The following UBE2QL1 variants were observed in gnomAD, a reference collection of about 807,000 sequenced individuals.
UBE2QL1 encodes the protein ubiquitin conjugating enzyme E2 QL1.
A neutral mutation model predicts 12.6 loss-of-function variants in UBE2QL1; 5 were observed. The observed-to-expected ratio is 0.40, with a 90% CI of 0.21 to 0.83. The LOEUF is 0.83. UBE2QL1 is among the 40% of genes least tolerant of loss of function. The probability of loss-of-function intolerance (pLI) is 0.37; values close to 1 mark genes in which losing one functional copy is unlikely to be tolerated. For missense variants in UBE2QL1, 99 were observed against 222.6 expected (o/e 0.44, Z 3.53); for synonymous variants, 96 against 94.5 (o/e 1.02, Z -0.10).
chr5:6,490,348 G>A (rs1422752874), intron 1 of UBE2QL1, among the ~76,000 whole-genome samples: 1 of 152,212 alleles, frequency 6.6e-6, no homozygotes, highest in Non-Finnish European at 1.5e-5. Context: ...ATTGTCACAT[G>A]GGCAGTGTTG....
chr5:6,493,047 T>C lies in UBE2QL1; in HGVS notation c.*1698T>C, dbSNP rs1406138201. The C allele has an allele frequency of 2.0e-5, 3 of 152,252 alleles. No homozygotes were observed. Among genetic ancestry groups the C allele is most frequent in the South Asian group, 4.1e-4 (2 of 4,834 alleles). 9.4% of individuals were successfully genotyped at this position (152,252 alleles called of 1,614,324 possible). On this transcript the variant is annotated 3_prime_UTR_variant, in exon 2 of 2. Transcript: ENST00000399816. ...CTTTTGTTTTTCTTTACCACTTTCT[T>C]ATTTGCCCCCAAGTGCACACAGGCA...
At chr5:6,453,901 A>G (rs564656095) in intron 1 of UBE2QL1, among the ~76,000 whole-genome samples, 45 of 152,064 alleles carry the variant, frequency 3.0e-4, no homozygotes, top group Non-Finnish European at 5.4e-4. Flanking sequence ...ATTTTTTTTG[A>G]GACAGGGTCC....
chr5:6,453,193 T>G lies in UBE2QL1; in HGVS notation c.354+3946T>G, dbSNP rs1041377434. Among the ~76,000 whole-genome samples the G allele has an allele frequency of 2.6e-5, 4 of 152,194 alleles. No individual in the cohort carries two copies. The East Asian group carries it at 7.7e-4, about 29-fold the overall frequency. ...CTGGTTCTGCTCTTTTGATGGTCGT[T>G]GTACAGGTGAGGAAACTGTAGTTTC... On this transcript the variant is annotated intron_variant, in intron 1 of 1. Coordinates refer to ENST00000399816, the MANE Select transcript of UBE2QL1 (RefSeq NM_001145161.3).
rs979404766 is a variant in UBE2QL1, at chr5:6,496,211, G to T, written c.*4862G>T. On this transcript the variant is annotated 3_prime_UTR_variant, in exon 2 of 2. Transcript: ENST00000399816. ...ACCCTGTGTCTCTCGCAGAATTAAA[G>T]CCAGGAGGTGGCTTTCTCTTTCCTT... 6.6e-6 allele frequency among the ~76,000 whole-genome samples: 1 copy of T among 152,180 alleles called. No homozygotes were observed. Among genetic ancestry groups the T allele is most frequent in the Non-Finnish European group, 1.5e-5 (1 of 68,028 alleles).
At position 6,495,696 on chromosome 5, in the gene UBE2QL1, C is replaced by T. The variant is rs531548320; in HGVS notation, c.*4347C>T. 6.6e-6 allele frequency among the ~76,000 whole-genome samples: 1 copy of T among 152,188 alleles called. No individual in the cohort carries two copies. The highest frequency in any genetic ancestry group is 1.5e-5 in the Non-Finnish European group (1 of 68,036). Reference sequence around the variant, plus strand: ...TGGAGCAAAGGGCAGAAATTCCCTCCAACTGTTTTGGGAAGCTTCTGTAAG... The same window carrying T: ...TGGAGCAAAGGGCAGAAATTCCCTCTAACTGTTTTGGGAAGCTTCTGTAAG... On this transcript the variant is annotated 3_prime_UTR_variant, in exon 2 of 2. Transcript: ENST00000399816.
intron 1 of UBE2QL1, among the ~76,000 whole-genome samples, chr5:6,462,040 G>A (rs1393754979): frequency 6.6e-6 from 1 of 152,184 alleles, no homozygotes; most frequent in Non-Finnish European, 1.5e-5. Context: ...AAGGCCAGTA[G>A]GCTGGACAAG....
intron 1 of UBE2QL1, among the ~76,000 whole-genome samples, chr5:6,466,166 G>C (rs549651051): frequency 6.6e-6 from 1 of 152,298 alleles, no homozygotes; most frequent in Admixed American, 6.5e-5. Context: ...GCGTCTTCAC[G>C]GTGGAACTAG....
rs1367688135 is a variant in UBE2QL1, at chr5:6,493,161, A to C, written c.*1812A>C. ...CATAATAGTCGTGAAACTTGATGAC[A>C]GTGAACTTACGATGTTCATTCATCC... On this transcript the variant is annotated 3_prime_UTR_variant, in exon 2 of 2. Transcript: ENST00000399816. 1 of 152,270 alleles carries C rather than the reference A, an allele frequency of 6.6e-6. No individual in the cohort carries two copies. Among genetic ancestry groups the C allele is most frequent in the Non-Finnish European group, 1.5e-5 (1 of 68,054 alleles). 9.4% of individuals were successfully genotyped at this position (152,270 alleles called of 1,614,324 possible).
chr5:6,471,711 C>T (rs76210774), intron 1 of UBE2QL1, among the ~76,000 whole-genome samples: 5 of 152,184 alleles, frequency 3.3e-5, no homozygotes, highest in African/African-American at 1.2e-4. Flanking sequence ...AGGGAGTGAA[C>T]GCCAGGAATC....
intron 1 of UBE2QL1, among the ~76,000 whole-genome samples, chr5:6,454,333 C>T (rs1284952775): frequency 1.3e-5 from 2 of 152,318 alleles, no homozygotes; most frequent in East Asian, 1.9e-4. Context: ...TCCCTGTGTC[C>T]TCACATGACC....
Position 6,478,459 on chromosome 5 carries a change from G to T in UBE2QL1, c.355-12759G>T, listed in dbSNP as rs1214642743. Among the ~76,000 whole-genome samples the T allele has an allele frequency of 2.6e-5, 4 of 152,210 alleles. No homozygotes were observed. Among genetic ancestry groups the T allele is most frequent in the Non-Finnish European group, 5.9e-5 (4 of 68,036 alleles). On this transcript the variant is annotated intron_variant, in intron 1 of 1. Coordinates refer to ENST00000399816, the MANE Select transcript of UBE2QL1 (RefSeq NM_001145161.3). The surrounding 1 kb of genome is among the most constrained non-coding windows in gnomAD (Gnocchi z 4.5). The stretch of plus-strand genomic sequence containing the variant: ...CTGTGAAAATCACGCGTTCCTTCTT[G>T]ATGCAATATTTCTAGAACAACTAAG...
chr5:6,474,706 C>T (rs1437067296), intron 1 of UBE2QL1, among the ~76,000 whole-genome samples: 1 of 152,186 alleles, frequency 6.6e-6, no homozygotes, highest in Non-Finnish European at 1.5e-5. Flanking sequence ...CAGGCTTCGT[C>T]GTTCATTCCT....
intron 1 of UBE2QL1, among the ~76,000 whole-genome samples, chr5:6,467,988 C>T (rs946663565): frequency 2.0e-5 from 3 of 152,084 alleles, no homozygotes; most frequent in African/African-American, 7.2e-5. Flanking sequence ...GTCTGCTGGG[C>T]CTCTCTCCTT....
chr5:6,482,448 C>T (rs1167918630), intron 1 of UBE2QL1, among the ~76,000 whole-genome samples: 2 of 152,182 alleles, frequency 1.3e-5, no homozygotes, highest in Non-Finnish European at 2.9e-5. Flanking sequence ...GCTCCTGCTG[C>T]CCCCTCTCCT....
At chr5:6,484,368 TG>T (rs1484664981) in intron 1 of UBE2QL1, among the ~76,000 whole-genome samples, 1 of 152,148 alleles carries the variant, frequency 6.6e-6, no homozygotes, top group Non-Finnish European at 1.5e-5. Flanking sequence ...GCCCTGGCCC[TG>T]AGGCTGCCTG....
chr5:6,489,431 A>C (rs910696736), intron 1 of UBE2QL1, among the ~76,000 whole-genome samples: 6 of 151,110 alleles, frequency 4.0e-5, no homozygotes, highest in African/African-American at 1.5e-4. Flanking sequence ...CTGTAAAAAA[A>C]AAAAAGAAAA....
chr5:6,471,342 G>A (rs1579295047), intron 1 of UBE2QL1, among the ~76,000 whole-genome samples: 1 of 152,292 alleles, frequency 6.6e-6, no homozygotes, highest in Non-Finnish European at 1.5e-5. Flanking sequence ...GGTGCCTCTG[G>A]CTCTGGGTCT....
At chr5:6,456,057 A>G (rs1739516153) in intron 1 of UBE2QL1, among the ~76,000 whole-genome samples, 2 of 152,086 alleles carry the variant, frequency 1.3e-5, no homozygotes, top group East Asian at 3.9e-4. Context: ...TGGCTGACAA[A>G]TTAATACAGC....
chr5:6,484,591 G>A (rs145313638), intron 1 of UBE2QL1, among the ~76,000 whole-genome samples: 9 of 152,232 alleles, frequency 5.9e-5, no homozygotes, highest in Admixed American at 1.3e-4. Flanking sequence ...GGCAGCAGTC[G>A]CACATCAGAG....
Sources: gnomAD v4.1 joint callset for allele counts (sites outside exome capture counted in the v4.1 genomes callset) on GRCh38, gnomAD v4.1.1 for gene constraint, Gnocchi (gnomAD v3.1) non-coding constraint, MANE v1.5 for transcripts, NCBI Gene and HGNC (gene_info 2026-07-23, HGNC 2026-07-21) for gene names.